The following COL4A6 variants were observed in gnomAD, a reference collection of about 807,000 sequenced individuals.
COL4A6 encodes the protein collagen alpha-6(IV) chain.
COL4A6 carries 59 observed loss-of-function variants against 126.7 expected under a neutral mutation model. The observed-to-expected ratio is 0.47, with a 90% CI of 0.38 to 0.58. The LOEUF (loss-of-function observed/expected upper bound fraction) is 0.58, where lower values mean the gene tolerates loss of function less well. Ranked by LOEUF, COL4A6 falls within the 20% of genes least tolerant of loss-of-function variation. The pLI is 0.00. For missense variants in COL4A6, 1,285 were observed against 1,337.3 expected (o/e 0.96, Z 0.61); for synonymous variants, 547 against 496.6 (o/e 1.10, Z -1.35).
chrX:108,311,675 G>T (rs1228234851), intron 2 of COL4A6, among the ~76,000 whole-genome samples: 1 of 111,632 alleles, frequency 9.0e-6, no homozygotes, highest in South Asian at 3.8e-4. Flanking sequence ...CATCACTCAG[G>T]TCTCAGTTCA....
intron 5 of COL4A6, 23 bp from the exon 6 acceptor site, chrX:108,214,251 A>G (rs772150992): frequency 6.5e-5 from 71 of 1,091,369 alleles, no homozygotes; most frequent in Non-Finnish European, 8.6e-5. Context: ...AAAAGAAGGG[A>G]TCAAGTTAGC....
intron 3 of COL4A6, among the ~76,000 whole-genome samples, chrX:108,238,250 C>A (rs990163767): frequency 2.8e-5 from 3 of 108,419 alleles, no homozygotes; most frequent in African/African-American, 1.0e-4. Flanking sequence ...GGATTATAGG[C>A]GCCTACCACC....
chrX:108,170,433 C>T (rs945557462), intron 35 of COL4A6, among the ~76,000 whole-genome samples, 176 bp downstream of exon 35: 2 of 112,379 alleles, frequency 1.8e-5, no homozygotes, highest in Admixed American at 9.4e-5. Flanking sequence ...TTCTTCTCTT[C>T]ACACTCATGC....
intron 8 of COL4A6, 143 bp from the exon 9 acceptor site, chrX:108,206,723 T>C (rs1484616450): frequency 1.3e-5 from 7 of 556,204 alleles, no homozygotes; most frequent in Non-Finnish European, 2.3e-5. Context: ...GTTCCAGTTG[T>C]CCAATGATAC....
chrX:108,191,948 TG>T (rs1472003712), intron 18 of COL4A6, among the ~76,000 whole-genome samples: 2 of 112,121 alleles, frequency 1.8e-5, no homozygotes, highest in African/African-American at 6.5e-5. Flanking sequence ...ACTTTATATC[TG>T]GGGCATCACT....
At chrX:108,240,656 C>T (rs896017614) in intron 3 of COL4A6, among the ~76,000 whole-genome samples, 2 of 111,611 alleles carry the variant, frequency 1.8e-5, no homozygotes, top group African/African-American at 3.3e-5. Context: ...CTGTGCTTTG[C>T]CAAATTAAGT....
At chrX:108,174,052 TC>T (rs1809105272) in intron 31 of COL4A6, among the ~76,000 whole-genome samples, 1 of 112,208 alleles carries the variant, frequency 8.9e-6, no homozygotes, top group African/African-American at 3.2e-5. Context: ...GCTGTAACAA[TC>T]TCATTGAGGA....
chrX:108,269,103 C>A (rs754108829), intron 3 of COL4A6: 14 of 338,705 alleles, frequency 4.1e-5, no homozygotes, highest in Non-Finnish European at 8.0e-5. Flanking sequence ...CAGAACCTCA[C>A]TGAAATGGTA....
At position 108,326,530 on chromosome X, in the gene COL4A6, C is replaced by T. The variant is rs192343130; in HGVS notation, c.64-15702G>A. The stretch of plus-strand genomic sequence containing the variant: ...CTTAGAAAAAGAAAAAGCTGTAAGA[C>T]GTACAGGACCTACTTCAAGACTTAT... On this transcript the variant is annotated intron_variant, in intron 2 of 44. Coordinates refer to ENST00000334504, the MANE Select transcript of COL4A6 (RefSeq NM_033641.4). Among the ~76,000 whole-genome samples the T allele has an allele frequency of 4.4e-4, 49 of 111,895 alleles. No homozygotes were observed. The East Asian group carries it at 7.0e-3, about 16-fold the overall frequency.
intron 2 of COL4A6, among the ~76,000 whole-genome samples, chrX:108,318,078 T>C (rs1370466381): frequency 8.9e-6 from 1 of 111,795 alleles, no homozygotes; most frequent in Non-Finnish European, 1.9e-5. Context: ...TATATGCAAA[T>C]CAATAAATGT....
At chrX:108,419,139 A>C (rs1254282292) in intron 2 of COL4A6, among the ~76,000 whole-genome samples, 2 of 112,120 alleles carry the variant, frequency 1.8e-5, no homozygotes, top group African/African-American at 6.5e-5. Context: ...AGTAACTCCA[A>C]ACTGAGGCAG....
In COL4A6 at chrX:108,178,752, G is replaced by T; in HGVS notation, c.2447C>A (p.Ser816Tyr). 1 of 1,211,876 alleles carries T rather than the reference G, an allele frequency of 8.3e-7. No individual in the cohort carries two copies. The change falls in exon 27 of 45, where the codon TCT (serine) becomes TAT (tyrosine). Residue 816 changes from serine (S) to tyrosine (Y), a missense_variant. By Grantham distance (144) the Ser-to-Tyr change is moderately radical. Transcript: ENST00000334504. ...GQVGQPGTPG[S>Y]SGPYGIKGKS... ...GCCCTTGATGCCATATGGACCACTA[G>T]ATCCTGGGGTGCCTGGCTGTCCCAC...
At chrX:108,273,488 C>T (rs1470520258) in intron 3 of COL4A6, among the ~76,000 whole-genome samples, 1 of 111,638 alleles carries the variant, frequency 9.0e-6, no homozygotes, top group Non-Finnish European at 1.9e-5. Flanking sequence ...TGGGTATATA[C>T]CCAAAGGATT....
chrX:108,347,090 C>T (rs2039725857), intron 2 of COL4A6, among the ~76,000 whole-genome samples: 1 of 112,005 alleles, frequency 8.9e-6, no homozygotes, highest in African/African-American at 3.2e-5. Context: ...CCGCTAATTC[C>T]AGCTCAGGGT....
At chrX:108,292,993 C>CAA (rs149076547) in intron 3 of COL4A6, among the ~76,000 whole-genome samples, 4 of 14,555 alleles carry the variant, frequency 2.7e-4, no homozygotes, top group African/African-American at 4.4e-4. Context: ...AGGAAAAAAG[C>CAA]AAAAAAAAAA....
At chrX:108,432,674 C>T (rs1323843836) in intron 2 of COL4A6, among the ~76,000 whole-genome samples, 1 of 109,998 alleles carries the variant, frequency 9.1e-6, no homozygotes, top group Non-Finnish European at 1.9e-5. Context: ...CGTCTCTACT[C>T]AAAATACAAA....
intron 3 of COL4A6, among the ~76,000 whole-genome samples, chrX:108,304,353 C>T (rs893762373): frequency 9.0e-6 from 1 of 111,628 alleles, no homozygotes; most frequent in Non-Finnish European, 1.9e-5. Context: ...TGTTTTAACA[C>T]TATCATTAAT....
intron 2 of COL4A6, among the ~76,000 whole-genome samples, chrX:108,331,404 C>A (rs186216366): frequency 1.8e-5 from 2 of 111,898 alleles, no homozygotes; most frequent in Admixed American, 9.5e-5. Flanking sequence ...TATTTTATAG[C>A]CTATTGCTCT....
At chrX:108,438,430 T>C (rs1177830047), upstream of COL4A6, 11 of 1,012,138 alleles carry the variant, frequency 1.1e-5, no homozygotes, top group Non-Finnish European at 1.4e-5. Flanking sequence ...GATAGTTCCA[T>C]GCAGCAGGAG....
Sources: gnomAD v4.1 joint callset for allele counts (sites outside exome capture counted in the v4.1 genomes callset) on GRCh38, gnomAD v4.1.1 for gene constraint, MANE v1.5 for transcripts, NCBI Gene and HGNC (gene_info 2026-07-23, HGNC 2026-07-21) for gene names.